Variants in SLC12A2 observed in about 807,000 individuals in gnomAD.
SLC12A2 encodes Na-K-2Cl cotransporter 1.
In SLC12A2, 67 loss-of-function variants were observed where a neutral mutation model predicts 136.3. That is an observed-to-expected ratio of 0.49 (90% CI 0.40 to 0.60). The LOEUF is 0.60. SLC12A2 is among the 20% of genes least tolerant of loss of function. The pLI, the probability that SLC12A2 is intolerant of heterozygous loss-of-function variation, is 0.00. For missense variants in SLC12A2, 1,322 were observed against 1,534.7 expected, an observed-to-expected ratio of 0.86 and a Z score of 2.32; for synonymous variants, 619 against 562.9, an observed-to-expected ratio of 1.10 and a Z score of -1.41.
intron 18 of SLC12A2, chr5:128,170,728 G>A (rs1455925447): frequency 6.6e-6 from 1 of 152,154 alleles, no homozygotes; most frequent in African/African-American, 2.4e-5. Context: ...GCTCAGAACT[G>A]AGATTCCAGG....
chr5:128,094,863 T>A (rs537477487), intron 1 of SLC12A2, among the ~76,000 whole-genome samples: 6 of 152,236 alleles, frequency 3.9e-5, no homozygotes, highest in African/African-American at 1.4e-4. Flanking sequence ...AAAATTCAGT[T>A]CTTCAGTTAC....
At chr5:128,162,936 T>C (rs1265733669) in intron 17 of SLC12A2, among the ~76,000 whole-genome samples, 1 of 152,098 alleles carries the variant, frequency 6.6e-6, no homozygotes, top group Non-Finnish European at 1.5e-5. Flanking sequence ...CATTATGAGC[T>C]ATTTTTGTGA....
chr5:128,177,958 G>C (rs942849979), intron 21 of SLC12A2, among the ~76,000 whole-genome samples: 1 of 152,138 alleles, frequency 6.6e-6, no homozygotes, highest in Non-Finnish European at 1.5e-5. Flanking sequence ...CTGTGGTTCA[G>C]AGAAAGATGT....
chr5:128,102,860 GATCCAC>G (rs1760796692), intron 1 of SLC12A2, among the ~76,000 whole-genome samples: 2 of 151,770 alleles, frequency 1.3e-5, no homozygotes, highest in South Asian at 4.2e-4. Flanking sequence ...GAGCTCAAGC[GATCCAC>G]TGGCCTTGGC....
At chr5:128,091,303 A>G (rs1760308210) in intron 1 of SLC12A2, among the ~76,000 whole-genome samples, 2 of 152,278 alleles carry the variant, frequency 1.3e-5, no homozygotes, top group South Asian at 2.1e-4. Flanking sequence ...TGGGAGATGG[A>G]CTCAAGATAG....
chr5:128,107,006 A>G (rs1760962786), intron 1 of SLC12A2, among the ~76,000 whole-genome samples: 1 of 152,232 alleles, frequency 6.6e-6, no homozygotes, highest in African/African-American at 2.4e-5. Context: ...TTCCATTAAA[A>G]AAACTGAAGA....
At position 128,186,791 on chromosome 5, in the gene SLC12A2, C is replaced by T. The variant is rs1763884052; in HGVS notation, c.*160C>T. 4.4e-6 allele frequency: 3 copies of T among 677,994 alleles called. No homozygotes were observed. Among genetic ancestry groups the T allele is most frequent in the Non-Finnish European group, 7.2e-6 (3 of 414,412 alleles). 42.0% of individuals were successfully genotyped at this position (677,994 alleles called of 1,614,324 possible). ...CACAGGAAAGTTGCTCCATTGATAA[C>T]GTGTATGGAGACTTCGGTTTTAGTC... On this transcript the variant is annotated 3_prime_UTR_variant, in exon 27 of 27. Coordinates refer to ENST00000262461, the MANE Select transcript of SLC12A2 (RefSeq NM_001046.3).
chr5:128,133,195 G>C (rs936904793), intron 5 of SLC12A2, among the ~76,000 whole-genome samples: 4 of 151,950 alleles, frequency 2.6e-5, no homozygotes, highest in Non-Finnish European at 5.9e-5. Flanking sequence ...AAAGTAAAAA[G>C]TATGTAGCTT....
At position 128,083,827 on chromosome 5, in the gene SLC12A2, G is replaced by C. The variant is rs1759890218; in HGVS notation, c.-128G>C. On this transcript the variant is annotated 5_prime_UTR_variant, in exon 1 of 27. Transcript: ENST00000262461. ...TGGCCGTCCAGGCTAGCGGCGGCCC[G>C]CAGGCGGCGGGGAGAAAGACTCTCT... 4 of 709,190 alleles carry C rather than the reference G, an allele frequency of 5.6e-6. No homozygotes were observed. Among genetic ancestry groups the C allele is most frequent in the Middle Eastern group, 4.8e-4 (1 of 2,074 alleles). 43.9% of individuals were successfully genotyped at this position (709,190 alleles called of 1,614,324 possible). A position where few individuals can be genotyped will look rare whatever the true frequency, so the allele number is the denominator to read the frequency against.
chr5:128,180,998 A>ATGGTCTATTCT lies in SLC12A2; in HGVS notation c.3212+4_3212+5insTGGTCTATTCT. On this transcript the variant is annotated splice_donor_region_variant and intron_variant, in intron 23 of 26. Coordinates refer to ENST00000262461, the MANE Select transcript of SLC12A2 (RefSeq NM_001046.3). ...GAATAGACCATGACCGGAGAGCGTA[A>ATGGTCTATTCT]GTTTATTTCACATTGAAGGGCATGA... The ATGGTCTATTCT allele has an allele frequency of 6.6e-7, 1 of 1,515,654 alleles. No homozygotes were observed. Among genetic ancestry groups the ATGGTCTATTCT allele is most frequent in the Non-Finnish European group, 9.2e-7 (1 of 1,091,230 alleles). 93.9% of individuals were successfully genotyped at this position (1,515,654 alleles called of 1,614,324 possible).
At position 128,127,794 on chromosome 5, in the gene SLC12A2, A is replaced by C. The variant is rs913683124; in HGVS notation, c.1049-3273A>C. On this transcript the variant is annotated intron_variant, in intron 4 of 26. Coordinates refer to ENST00000262461, the MANE Select transcript of SLC12A2 (RefSeq NM_001046.3). ...ATGACATGTCCCTGCTTTCATTCCTAATTTACTTTTTTCTTCTTTGTTCTT... is the reference window on the plus strand; with the variant it reads ...ATGACATGTCCCTGCTTTCATTCCTCATTTACTTTTTTCTTCTTTGTTCTT... 6.0e-5 allele frequency among the ~76,000 whole-genome samples: 9 copies of C among 151,236 alleles called. 1 individual carries two copies. The highest frequency in any genetic ancestry group is 2.2e-4 in the African/African-American group (9 of 41,114).
rs548333328 is a variant in SLC12A2, at chr5:128,124,265, A to G, written c.1049-6802A>G. On this transcript the variant is annotated intron_variant, in intron 4 of 26. Coordinates refer to ENST00000262461, the MANE Select transcript of SLC12A2 (RefSeq NM_001046.3). ...TTTTCCCCACACAAACCAATTCCCCAACTTTCTGGACACTAATTGGGTATC... is the reference window on the plus strand; with the variant it reads ...TTTTCCCCACACAAACCAATTCCCCGACTTTCTGGACACTAATTGGGTATC... 3.9e-5 allele frequency among the ~76,000 whole-genome samples: 6 copies of G among 152,298 alleles called. 1 individual carries two copies. The South Asian group carries it at 1.2e-3, about 32-fold the overall frequency.
Position 128,148,799 on chromosome 5 carries a change from A to AAAG in SLC12A2, c.1928_1930dup (p.Lys643_Gly644insGlu). Reference sequence around the variant, plus strand: ...CTACCCAGCTTTCCAGATGTTTGCTAAAGGTTATGGGAAAAATAATGAACC... The same window carrying AAAG: ...CTACCCAGCTTTCCAGATGTTTGCTAAAGAAGGTTATGGGAAAAATAATGAACC... On this transcript the variant is annotated inframe_insertion, in exon 12 of 27. Transcript: ENST00000262461. The AAAG allele has an allele frequency of 6.2e-7, 1 of 1,607,718 alleles. No homozygotes were observed. The highest frequency in any genetic ancestry group is 8.5e-7 in the Non-Finnish European group (1 of 1,176,696).
At chr5:128,093,094 A>G (rs1321484054) in intron 1 of SLC12A2, among the ~76,000 whole-genome samples, 4 of 152,128 alleles carry the variant, frequency 2.6e-5, no homozygotes, top group Admixed American at 1.3e-4. Context: ...TAAAGTCACA[A>G]GTGATCTCCA....
At chr5:128,173,142 T>C (rs1763435859) in intron 19 of SLC12A2, among the ~76,000 whole-genome samples, 1 of 152,206 alleles carries the variant, frequency 6.6e-6, no homozygotes, top group South Asian at 2.1e-4. Context: ...GGTATCTGCT[T>C]CTGTATTTAA....
At chr5:128,183,714 T>G (rs889917487) in intron 24 of SLC12A2, among the ~76,000 whole-genome samples, 3 of 152,094 alleles carry the variant, frequency 2.0e-5, no homozygotes, top group Admixed American at 1.3e-4. Context: ...TACATTTTTT[T>G]ACATCACTTT....
chr5:128,131,297 A>C, intron 5 of SLC12A2, 91 bp downstream of exon 5: 1 of 1,255,250 alleles, frequency 8.0e-7, no homozygotes, highest in Non-Finnish European at 1.2e-6. Context: ...GAAAGCAGTG[A>C]TATGATGACC....
At chr5:128,122,961 CT>C (rs1246449503) in intron 4 of SLC12A2, among the ~76,000 whole-genome samples, 8 of 151,988 alleles carry the variant, frequency 5.3e-5, no homozygotes, top group Non-Finnish European at 1.0e-4. Flanking sequence ...TTTAACATAA[CT>C]TTATGTTTTC....
chr5:128,183,584 CAT>C lies in SLC12A2; in HGVS notation c.3299+645_3299+646del, dbSNP rs150920926. Among the ~76,000 whole-genome samples, 5 of 151,482 alleles carry C rather than the reference CAT, an allele frequency of 3.3e-5. No homozygotes were observed. In the East Asian group the frequency reaches 9.7e-4, roughly 29 times the overall value. ...GATACTGAAAAATATTTTTCATGTT[CAT>C]AGAGGATTAGAATGCCATTCATGTT... On this transcript the variant is annotated intron_variant, in intron 24 of 26. Transcript: ENST00000262461.
Sources: gnomAD v4.1 joint callset for allele counts (sites outside exome capture counted in the v4.1 genomes callset) on GRCh38, gnomAD v4.1.1 for gene constraint, MANE v1.5 for transcripts, NCBI Gene and HGNC (gene_info 2026-07-23, HGNC 2026-07-21) for gene names.